The following IGSF21 variants were observed in gnomAD, a reference collection of about 807,000 sequenced individuals.
IGSF21 encodes the protein immunoglobulin superfamily member 21.
A neutral mutation model predicts 46.8 loss-of-function variants in IGSF21; 28 were observed. The observed-to-expected ratio is 0.60, with a 90% CI of 0.44 to 0.82. IGSF21 has a LOEUF of 0.82. Ranked by LOEUF, IGSF21 falls within the 40% of genes least tolerant of loss-of-function variation. The probability of loss-of-function intolerance (pLI) is 0.00; values close to 1 mark genes in which losing one functional copy is unlikely to be tolerated. For synonymous variants in IGSF21, 284 were observed against 273.6 expected, an observed-to-expected ratio of 1.04 and a Z score of -0.38; for missense variants, 624 against 665.5, an observed-to-expected ratio of 0.94 and a Z score of 0.69.
chr1:18,302,937 C>T lies in IGSF21; in HGVS notation c.305+10950C>T, dbSNP rs75448294. 8.8e-3 allele frequency among the ~76,000 whole-genome samples: 1,338 copies of T among 152,304 alleles called. 11 individuals are homozygous for T. The highest frequency in any genetic ancestry group is 0.014 in the Non-Finnish European group (963 of 68,026). ...GACCCACAAGGAGGCCACTGGAACT[C>T]CCAGAACACACCCTTCTGACACCAG... On this transcript the variant is annotated intron_variant, in intron 3 of 9. Transcript: ENST00000251296.
At chr1:18,120,202 A>T (rs2086222951) in intron 1 of IGSF21, among the ~76,000 whole-genome samples, 1 of 152,250 alleles carries the variant, frequency 6.6e-6, no homozygotes, top group South Asian at 2.1e-4. Context: ...TGGAGCTAGA[A>T]GAGTGGGGCA....
At chr1:18,292,199 C>T (rs2085274467) in intron 3 of IGSF21, among the ~76,000 whole-genome samples, 1 of 152,232 alleles carries the variant, frequency 6.6e-6, no homozygotes, top group Admixed American at 6.5e-5. Flanking sequence ...GGCCACCGCT[C>T]TTCTGACTGG....
intron 2 of IGSF21, among the ~76,000 whole-genome samples, chr1:18,267,982 C>T (rs2085005672): frequency 6.6e-6 from 1 of 152,222 alleles, no homozygotes; most frequent in African/African-American, 2.4e-5. Context: ...TTTGCCAATC[C>T]TTGCTCTATC....
intron 1 of IGSF21, among the ~76,000 whole-genome samples, chr1:18,187,074 T>C (rs2086910028): frequency 6.6e-6 from 1 of 151,944 alleles, no homozygotes; most frequent in Non-Finnish European, 1.5e-5. Flanking sequence ...GCTTCAACTA[T>C]AGATTATTTT....
intron 2 of IGSF21, among the ~76,000 whole-genome samples, chr1:18,286,521 C>T (rs1175457102): frequency 6.6e-6 from 1 of 152,208 alleles, no homozygotes; most frequent in East Asian, 1.9e-4. Flanking sequence ...GTACGCTTTG[C>T]AGAGTTAGGA....
intron 3 of IGSF21, among the ~76,000 whole-genome samples, chr1:18,310,543 A>T (rs1042892121): frequency 6.6e-6 from 1 of 152,190 alleles, no homozygotes; most frequent in Non-Finnish European, 1.5e-5. Context: ...AGCCATGACA[A>T]GTAAAGCTGC....
intron 1 of IGSF21, among the ~76,000 whole-genome samples, chr1:18,151,735 G>A (rs536826429): frequency 3.9e-5 from 6 of 152,250 alleles, no homozygotes; most frequent in East Asian, 3.9e-4. Flanking sequence ...AGGGGGCTGT[G>A]GGGGGCGGGT....
chr1:18,353,448 G>A (rs1470757441), intron 4 of IGSF21, among the ~76,000 whole-genome samples: 1 of 152,124 alleles, frequency 6.6e-6, no homozygotes, highest in Non-Finnish European at 1.5e-5. Context: ...GCTCTTGGGT[G>A]CGGCCGCAGG....
chr1:18,373,096 C>G (rs1173699724), intron 6 of IGSF21, among the ~76,000 whole-genome samples: 1 of 152,184 alleles, frequency 6.6e-6, no homozygotes, highest in African/African-American at 2.4e-5. Context: ...GCAGTCTTAT[C>G]TCCCTCCTCC....
intron 3 of IGSF21, among the ~76,000 whole-genome samples, chr1:18,301,768 T>C (rs2085364416): frequency 6.6e-6 from 1 of 152,090 alleles, no homozygotes; most frequent in South Asian, 2.1e-4. Context: ...GGATGCTTGG[T>C]CCCTCCAAGT....
chr1:18,197,344 A>T (rs1283073825), intron 1 of IGSF21, among the ~76,000 whole-genome samples: 1 of 152,178 alleles, frequency 6.6e-6, no homozygotes, highest in African/African-American at 2.4e-5. Context: ...CACAAGGTAC[A>T]AGAGTCCAAG....
intron 2 of IGSF21, among the ~76,000 whole-genome samples, chr1:18,269,476 G>A (rs2085022538): frequency 6.6e-6 from 1 of 152,098 alleles, no homozygotes; most frequent in African/African-American, 2.4e-5. Context: ...CTTACTGTGG[G>A]CTCCCCTCAG....
In IGSF21 at chr1:18,367,603, C is replaced by CTTTTTTTT. The variant is rs35019096; in HGVS notation, c.1015+1921_1015+1928dup. 1.9e-4 allele frequency among the ~76,000 whole-genome samples: 14 copies of CTTTTTTTT among 73,964 alleles called. 2 individuals are homozygous for CTTTTTTTT. Among genetic ancestry groups the CTTTTTTTT allele is most frequent in the Admixed American group, 4.1e-4 (2 of 4,932 alleles). 48.5% of individuals were successfully genotyped at this position (73,964 alleles called of 152,430 possible). On this transcript the variant is annotated intron_variant, in intron 6 of 9. Transcript: ENST00000251296. Reference sequence around the variant, plus strand: ...GACCTTTGATATTCTCTCTCTCTCTCTTTTTTTTTTTTTTTTTTTTTTGAC... The same window carrying CTTTTTTTT: ...GACCTTTGATATTCTCTCTCTCTCTCTTTTTTTTTTTTTTTTTTTTTTTTTTTTTTGAC...
At chr1:18,272,253 C>A (rs2085049888) in intron 2 of IGSF21, among the ~76,000 whole-genome samples, 1 of 151,826 alleles carries the variant, frequency 6.6e-6, no homozygotes, top group Non-Finnish European at 1.5e-5. Flanking sequence ...GATTCAATTA[C>A]CTCTCACCAG....
Position 18,291,873 on chromosome 1 carries a change from A to T in IGSF21, c.191A>T (p.Asp64Val). ...MREIVWYRVT[D>V]GGTIKQKIFT... is the part of the protein sequence containing the mutation. ...CTCTGTGCTCTGTGGCAGGTGACGG[A>T]TGGTGGCACCATCAAGCAAAAGATC... Residue 64 changes from aspartate to valine, a missense_variant, in exon 3 of 10, where the codon GAT (aspartate) becomes GTT (valine). By Grantham distance (152) the Asp-to-Val change is radical (BLOSUM62 -3). Transcript: ENST00000251296. The T allele has an allele frequency of 6.2e-7, 1 of 1,613,948 alleles. No homozygotes were observed. The highest frequency in any genetic ancestry group is 8.5e-7 in the Non-Finnish European group (1 of 1,179,916).
At chr1:18,281,932 G>A (rs2085164683) in intron 2 of IGSF21, among the ~76,000 whole-genome samples, 1 of 152,214 alleles carries the variant, frequency 6.6e-6, no homozygotes, top group Admixed American at 6.5e-5. Flanking sequence ...GTGGTGGAAA[G>A]AGGGTGTGCT....
chr1:18,280,766 AG>A lies in IGSF21; in HGVS notation c.184-11099del, dbSNP rs2085151067. On this transcript the variant is annotated intron_variant, in intron 2 of 9. Coordinates refer to ENST00000251296, the MANE Select transcript of IGSF21 (RefSeq NM_032880.5). The stretch of plus-strand genomic sequence containing the variant: ...CCAGGCCCTTCTACACAGCACCCCC[AG>A]AACTTGTCCTGAACCCCCCTCACTC... Among the ~76,000 whole-genome samples the A allele has an allele frequency of 5.3e-5, 8 of 151,566 alleles. No individual in the cohort carries two copies. In the South Asian group the frequency reaches 1.7e-3, roughly 32 times the overall value.
intron 1 of IGSF21, among the ~76,000 whole-genome samples, chr1:18,193,919 T>C (rs1233044597): frequency 6.6e-6 from 1 of 152,198 alleles, no homozygotes; most frequent in African/African-American, 2.4e-5. Flanking sequence ...TGTGTGTCTG[T>C]GTGTGTGCTG....
At chr1:18,358,614 A>C (rs2086050347) in intron 4 of IGSF21, among the ~76,000 whole-genome samples, 1 of 152,214 alleles carries the variant, frequency 6.6e-6, no homozygotes, top group Non-Finnish European at 1.5e-5. Context: ...AGTCCTTAGC[A>C]AGGAGGCTCA....
Sources: gnomAD v4.1 joint callset for allele counts (sites outside exome capture counted in the v4.1 genomes callset) on GRCh38, gnomAD v4.1.1 for gene constraint, MANE v1.5 for transcripts, NCBI Gene and HGNC (gene_info 2026-07-23, HGNC 2026-07-21) for gene names.